Variants in PSMG2 observed in about 807,000 individuals in gnomAD.
PSMG2 encodes proteasome assembly chaperone 2.
In PSMG2, 21 loss-of-function variants were observed where a neutral mutation model predicts 31.5. That is an observed-to-expected ratio of 0.67 (90% CI 0.47 to 0.96). PSMG2 has a LOEUF of 0.96. PSMG2 is among the 40% of genes least tolerant of loss of function. The probability of loss-of-function intolerance (pLI) is 0.00; values close to 1 mark genes in which losing one functional copy is unlikely to be tolerated. For synonymous variants in PSMG2, 120 were observed against 110.4 expected, an observed-to-expected ratio of 1.09 and a Z score of -0.54; for missense variants, 318 against 321.2, an observed-to-expected ratio of 0.99 and a Z score of 0.08.
chr18:12,713,675 C>G (rs968773075), intron 3 of PSMG2, among the ~76,000 whole-genome samples: 4 of 152,156 alleles, frequency 2.6e-5, no homozygotes, highest in African/African-American at 9.6e-5. Flanking sequence ...CAACCAATTT[C>G]AGCCAGTTCT....
chr18:12,674,735 C>A, intron 1 of PSMG2: 4 of 1,613,670 alleles, frequency 2.5e-6, no homozygotes, highest in Non-Finnish European at 3.4e-6. Context: ...TCTTCCCAAA[C>A]AGTAGTGAGG....
intron 1 of PSMG2, among the ~76,000 whole-genome samples, chr18:12,703,565 C>A (rs1017084136): frequency 6.6e-6 from 1 of 152,228 alleles, no homozygotes; most frequent in Non-Finnish European, 1.5e-5. Context: ...TAAACATTAA[C>A]TCTTGCCGGT....
intron 1 of PSMG2, among the ~76,000 whole-genome samples, chr18:12,659,858 G>A (rs930387023): frequency 1.1e-4 from 17 of 152,074 alleles, no homozygotes; most frequent in African/African-American, 4.1e-4. Flanking sequence ...AATTCCTTAT[G>A]TGTGACACTA....
At chr18:12,664,035 ATGCC>A (rs2038753608) in intron 1 of PSMG2, among the ~76,000 whole-genome samples, 1 of 152,220 alleles carries the variant, frequency 6.6e-6, no homozygotes, top group African/African-American at 2.4e-5. Context: ...ATGGTGGTGC[ATGCC>A]TGTAATCCCA....
rs1401715699 is a variant in PSMG2 at position 12,706,608 on chromosome 18, T to A, written c.116T>A (p.Leu39Gln). 5.6e-6 allele frequency: 9 copies of A among 1,614,160 alleles called. No individual in the cohort carries two copies. Among genetic ancestry groups the A allele is most frequent in the South Asian group, 4.4e-5 (4 of 91,062 alleles). Reference sequence around the variant, plus strand: ...GCAATGGATCTGATTATTTCTACACTGAATATGTCTAAGATTGGTTACTTC... The same window carrying A: ...GCAATGGATCTGATTATTTCTACACAGAATATGTCTAAGATTGGTTACTTC... ...QLAMDLIIST[L>Q]NMSKIGYFYT... is the part of the protein sequence containing the mutation. The change falls in exon 2 of 7, where the codon CTG becomes CAG. Residue 39 changes from leucine to glutamine, a missense_variant. Leu to Gln is a moderately radical substitution (Grantham distance 113). Coordinates refer to ENST00000317615, the MANE Select transcript of PSMG2 (RefSeq NM_020232.5).
At chr18:12,674,494 G>C in intron 1 of PSMG2, 1 of 1,418,520 alleles carries the variant, frequency 7.0e-7, no homozygotes. Flanking sequence ...TGATCTGTAA[G>C]ACTCCTAAAC....
In PSMG2 at chr18:12,725,695, G is replaced by A. The variant is rs2040470569; in HGVS notation, c.*164G>A. The A allele has an allele frequency of 4.5e-6, 2 of 449,100 alleles. No homozygotes were observed. The highest frequency in any genetic ancestry group is 5.8e-5 in the South Asian group (1 of 17,230). The allele number at this position is 449,100 out of a possible 1,614,324, so 27.8% of individuals were successfully genotyped here. A position where few individuals can be genotyped will look rare whatever the true frequency, so the allele number is the denominator to read the frequency against. On this transcript the variant is annotated 3_prime_UTR_variant, in exon 7 of 7. Transcript: ENST00000317615. ...CTCTTTGCCATGCTTTTCATCATATGCACCAAATGTAAATTTTGTACAATA... is the reference window on the plus strand; with the variant it reads ...CTCTTTGCCATGCTTTTCATCATATACACCAAATGTAAATTTTGTACAATA...
At chr18:12,683,469 A>G (rs73407562) in intron 1 of PSMG2, among the ~76,000 whole-genome samples, 1,699 of 152,118 alleles carry the variant, frequency 0.011, 39 homozygotes, top group African/African-American at 0.039. Flanking sequence ...TGACTCAAGG[A>G]AACTTAAAAC....
intron 1 of PSMG2, among the ~76,000 whole-genome samples, chr18:12,706,201 G>A (rs1455922943): frequency 1.3e-5 from 2 of 152,190 alleles, no homozygotes; most frequent in Non-Finnish European, 2.9e-5. Context: ...AGGCGTGTTG[G>A]CTCACGCCTG....
chr18:12,676,034 T>C (rs922465235), intron 1 of PSMG2, among the ~76,000 whole-genome samples: 1 of 152,134 alleles, frequency 6.6e-6, no homozygotes, highest in African/African-American at 2.4e-5. Flanking sequence ...AAAATAATAA[T>C]ATTACAAATA....
At position 12,703,101 on chromosome 18, in the gene PSMG2, T is replaced by C. The variant is rs1156681332; in HGVS notation, c.-7T>C. 6.2e-7 allele frequency: 1 copy of C among 1,612,174 alleles called. No homozygotes were observed. Among genetic ancestry groups the C allele is most frequent in the East Asian group, 2.2e-5 (1 of 44,804 alleles). The stretch of plus-strand genomic sequence containing the variant: ...GGTTAGTCCCTGCTGGCCACCCCAC[T>C]GCGACCATGTTCGTTCCCTGCGGGG... On this transcript the variant is annotated 5_prime_UTR_variant, in exon 1 of 7. Transcript: ENST00000317615.
intron 1 of PSMG2, among the ~76,000 whole-genome samples, chr18:12,670,209 A>G (rs2038908128): frequency 6.6e-6 from 1 of 151,866 alleles, no homozygotes; most frequent in South Asian, 2.1e-4. Context: ...GTGTGCCTGT[A>G]GTCCCAGCTA....
At chr18:12,677,851 A>G (rs1361787527) in intron 1 of PSMG2, among the ~76,000 whole-genome samples, 1 of 152,192 alleles carries the variant, frequency 6.6e-6, no homozygotes, top group Non-Finnish European at 1.5e-5. Flanking sequence ...CTTGACTCTA[A>G]GGGATGTGAA....
intron 1 of PSMG2, among the ~76,000 whole-genome samples, chr18:12,669,604 T>C (rs1467195875): frequency 6.6e-6 from 1 of 152,200 alleles, no homozygotes; most frequent in Non-Finnish European, 1.5e-5. Context: ...ATACATATTG[T>C]CAAGAACACC....
At chr18:12,676,550 C>T (rs1012209241) in intron 1 of PSMG2, among the ~76,000 whole-genome samples, 1 of 152,084 alleles carries the variant, frequency 6.6e-6, no homozygotes, top group Non-Finnish European at 1.5e-5. Flanking sequence ...GCTGGGATTA[C>T]AGGCGTGAGA....
intron 1 of PSMG2, among the ~76,000 whole-genome samples, chr18:12,697,059 G>T (rs1387216087): frequency 6.6e-6 from 1 of 152,128 alleles, no homozygotes; most frequent in Admixed American, 6.6e-5. Context: ...TATTCTTCAA[G>T]ACATTTCTCA....
upstream of PSMG2, chr18:12,702,604 C>T: frequency 1.9e-6 from 3 of 1,554,738 alleles, no homozygotes; most frequent in Non-Finnish European, 2.6e-6. Flanking sequence ...CCTAACTGCG[C>T]GGCCCCGGCC....
At chr18:12,673,014 A>C (rs958040932) in intron 1 of PSMG2, 1 of 1,007,290 alleles carries the variant, frequency 9.9e-7, no homozygotes, top group African/African-American at 1.7e-5. Context: ...CTAGGGCTCA[A>C]ACCCTTAGAC....
At chr18:12,722,395 G>A (rs1054256731) in intron 5 of PSMG2, among the ~76,000 whole-genome samples, 16 of 152,078 alleles carry the variant, frequency 1.1e-4, no homozygotes, top group Admixed American at 1.0e-3. Flanking sequence ...GCTGAGTGGA[G>A]GAAATCAGTT....
Sources: allele counts gnomAD v4.1 joint callset (sites outside exome capture counted in the v4.1 genomes callset), GRCh38; gene constraint gnomAD v4.1.1; transcripts MANE v1.5; gene names NCBI Gene and HGNC (gene_info 2026-07-23, HGNC 2026-07-21).